Variants in RNGTT observed in about 807,000 individuals in gnomAD.
The protein encoded by RNGTT is mRNA-capping enzyme.
In RNGTT, 33 loss-of-function variants were observed where a neutral mutation model predicts 79.3. The ratio of observed to expected loss-of-function variants is 0.42; its 90% CI spans 0.32 to 0.56. The LOEUF is 0.56. RNGTT is among the 20% of genes least tolerant of loss of function. The pLI is 0.17. For synonymous variants in RNGTT, 222 were observed against 235.9 expected, an observed-to-expected ratio of 0.94 and a Z score of 0.54; for missense variants, 497 against 739.1, an observed-to-expected ratio of 0.67 and a Z score of 3.80.
intron 4 of RNGTT, among the ~76,000 whole-genome samples, chr6:88,917,744 G>A (rs748813357): frequency 7.2e-5 from 11 of 151,946 alleles, no homozygotes; most frequent in Admixed American, 1.3e-4. Context: ...AAAATTAACT[G>A]GGGTTGGTGG....
At chr6:88,704,270 A>C (rs1318119567) in intron 13 of RNGTT, among the ~76,000 whole-genome samples, 1 of 129,974 alleles carries the variant, frequency 7.7e-6, no homozygotes, top group African/African-American at 3.0e-5. Flanking sequence ...AAAAAAAAAA[A>C]AAAAAAAAAA....
At chr6:88,632,536 GACACACAGACACACACACACAC>G (rs1772934558) in intron 14 of RNGTT, among the ~76,000 whole-genome samples, 4 of 98,380 alleles carry the variant, frequency 4.1e-5, no homozygotes, top group African/African-American at 6.3e-5. Context: ...CAGACACACA[GACACACAGACACACACACACAC>G]ACACACACAC....
chr6:88,936,558 T>C (rs974451498), intron 2 of RNGTT, among the ~76,000 whole-genome samples: 4 of 152,206 alleles, frequency 2.6e-5, no homozygotes, highest in Non-Finnish European at 5.9e-5. Context: ...CCTCTATGCC[T>C]AGTTTGTTGA....
intron 12 of RNGTT, among the ~76,000 whole-genome samples, chr6:88,789,901 G>C (rs1268800550): frequency 1.3e-5 from 2 of 152,102 alleles, no homozygotes; most frequent in African/African-American, 4.8e-5. Context: ...TGATTTACTT[G>C]AATTGTTGGC....
intron 13 of RNGTT, among the ~76,000 whole-genome samples, chr6:88,685,129 C>T (rs1775229139): frequency 6.6e-6 from 1 of 151,976 alleles, no homozygotes; most frequent in Admixed American, 6.6e-5. Flanking sequence ...GCCAGGAGAT[C>T]AGGGGGAGGA....
intron 8 of RNGTT, among the ~76,000 whole-genome samples, chr6:88,865,122 GA>G (rs1782126491): frequency 6.6e-6 from 1 of 151,962 alleles, no homozygotes; most frequent in Non-Finnish European, 1.5e-5. Flanking sequence ...AAAAATTAAA[GA>G]AAAGAATTAA....
chr6:88,877,053 T>C (rs1048575584), intron 8 of RNGTT, among the ~76,000 whole-genome samples: 6 of 152,228 alleles, frequency 3.9e-5, no homozygotes, highest in African/African-American at 1.4e-4. Flanking sequence ...AAGATGTGAC[T>C]ACTAACCAAT....
chr6:88,801,840 C>A (rs1413635692), intron 11 of RNGTT, among the ~76,000 whole-genome samples: 3 of 151,488 alleles, frequency 2.0e-5, no homozygotes, highest in Non-Finnish European at 4.4e-5. Flanking sequence ...CACACACACA[C>A]ACACACACAC....
intron 14 of RNGTT, among the ~76,000 whole-genome samples, chr6:88,618,350 A>G (rs1053642708): frequency 1.3e-5 from 2 of 152,230 alleles, no homozygotes; most frequent in South Asian, 4.1e-4. Flanking sequence ...TATCTCCCAC[A>G]TGTATACAAA....
chr6:88,718,246 G>A (rs1776588336), intron 13 of RNGTT, among the ~76,000 whole-genome samples: 1 of 152,034 alleles, frequency 6.6e-6, no homozygotes, highest in South Asian at 2.1e-4. Flanking sequence ...AATCAGCCGG[G>A]CGTAGTGGCA....
chr6:88,616,046 T>A (rs2127845808), intron 14 of RNGTT, among the ~76,000 whole-genome samples: 1 of 152,296 alleles, frequency 6.6e-6, no homozygotes, highest in South Asian at 2.1e-4. Context: ...TACTTTCTGT[T>A]TCTATGATTT....
intron 13 of RNGTT, among the ~76,000 whole-genome samples, chr6:88,693,601 C>A (rs543278262): frequency 4.6e-5 from 7 of 152,168 alleles, no homozygotes; most frequent in Admixed American, 3.9e-4. Flanking sequence ...CTTCCAAATT[C>A]TTTTAACAAA....
At chr6:88,957,958 C>T (rs890197351) in intron 1 of RNGTT, among the ~76,000 whole-genome samples, 11 of 152,150 alleles carry the variant, frequency 7.2e-5, no homozygotes, top group African/African-American at 2.7e-4. Flanking sequence ...AAAGGCATCA[C>T]ATTACCCAAC....
At position 88,853,764 on chromosome 6, in the gene RNGTT, C is replaced by T. The variant is rs368478103; in HGVS notation, c.897G>A (p.Arg299=). Residue 299 remains arginine, a splice_region_variant and synonymous_variant, in exon 9 of 16, where the codon CGG becomes CGA. Transcript: ENST00000369485. ...TTGTGCCATCAATCAACATCATGTA[C>T]CTGTAAATGAAACATTAAAAAGCTA... ...YKVSWKADGT[R]YMMLIDGTNE... The T allele has an allele frequency of 6.6e-7, 1 of 1,526,536 alleles. No homozygotes were observed. The highest frequency in any genetic ancestry group is 1.2e-5 in the South Asian group (1 of 85,086). The allele number at this position is 1,526,536 out of a possible 1,614,324, so 94.6% of individuals were successfully genotyped here.
Position 88,916,540 on chromosome 6 carries a change from T to C in RNGTT, c.368-10100A>G, listed in dbSNP as rs574307075. ...TGTTTTATATAAAATTATATCTCAA[T>C]ATGTTGTTTTTTTAGCTAGATGCTA... On this transcript the variant is annotated intron_variant, in intron 4 of 15. Coordinates refer to ENST00000369485, the MANE Select transcript of RNGTT (RefSeq NM_003800.5). Among the ~76,000 whole-genome samples the C allele has an allele frequency of 2.0e-5, 3 of 152,334 alleles. No homozygotes were observed. In the South Asian group the frequency reaches 6.2e-4, roughly 32 times the overall value.
intron 12 of RNGTT, among the ~76,000 whole-genome samples, chr6:88,778,855 T>G (rs1471481410): frequency 6.6e-6 from 1 of 152,214 alleles, no homozygotes; most frequent in East Asian, 1.9e-4. Context: ...CCTCAAGTTT[T>G]GTATTGAAGC....
rs182607442 is a variant in RNGTT, at chr6:88,892,351, T to C, written c.685-436A>G. On this transcript the variant is annotated intron_variant, in intron 6 of 15. Transcript: ENST00000369485. ...ACAGAATTTGAACAGGCCTACACTA[T>C]ACCAACCACCAATGGAGAGAAGGGG... is the stretch of plus-strand genomic sequence containing the variant. 3.9e-5 allele frequency among the ~76,000 whole-genome samples: 6 copies of C among 152,194 alleles called. No homozygotes were observed. In the East Asian group the frequency reaches 1.2e-3, roughly 29 times the overall value.
At chr6:88,914,084 T>C (rs1783920096) in intron 4 of RNGTT, among the ~76,000 whole-genome samples, 1 of 151,016 alleles carries the variant, frequency 6.6e-6, no homozygotes, top group Non-Finnish European at 1.5e-5. Context: ...ACCAAGGAGG[T>C]GAAAGATCTG....
chr6:88,713,764 G>A (rs987571510), intron 13 of RNGTT, among the ~76,000 whole-genome samples: 5 of 151,842 alleles, frequency 3.3e-5, no homozygotes, highest in South Asian at 2.1e-4. Flanking sequence ...CTTGTATTAC[G>A]GGCTTTTTAT....
Sources: gnomAD v4.1 joint callset for allele counts (sites outside exome capture counted in the v4.1 genomes callset) on GRCh38, gnomAD v4.1.1 for gene constraint, MANE v1.5 for transcripts, NCBI Gene and HGNC (gene_info 2026-07-23, HGNC 2026-07-21) for gene names.